The following GNGT1 variants were observed in gnomAD, a reference collection of about 807,000 sequenced individuals.
The protein encoded by GNGT1 is G protein subunit gamma transducin 1, also known as guanine nucleotide-binding protein G(T) subunit gamma-T1.
A neutral mutation model predicts 7.4 loss-of-function variants in GNGT1; 4 were observed. The ratio of observed to expected loss-of-function variants is 0.54; its 90% CI spans 0.27 to 1.24. The LOEUF is 1.24. Ranked by LOEUF, GNGT1 falls within the 50% of genes most tolerant of loss-of-function variation. The probability of loss-of-function intolerance (pLI) is 0.12; values close to 1 mark genes in which losing one functional copy is unlikely to be tolerated. For synonymous variants in GNGT1, 37 were observed against 30.2 expected (o/e 1.23, Z -0.74); for missense variants, 95 against 82.4 (o/e 1.15, Z -0.59).
At chr7:93,908,982 C>T (rs932438919) in intron 2 of GNGT1, among the ~76,000 whole-genome samples, 1 of 152,128 alleles carries the variant, frequency 6.6e-6, no homozygotes, top group South Asian at 2.1e-4. Context: ...AGATAATATA[C>T]ACAAAGCTCT....
At chr7:93,910,678 G>C in intron 2 of GNGT1, 112 bp from the exon 3 acceptor site, 1 of 708,472 alleles carries the variant, frequency 1.4e-6, no homozygotes, top group Non-Finnish European at 2.3e-6. Flanking sequence ...AAAGTAGAGA[G>C]AATCAAACTG....
At chr7:93,906,880 A>G (rs1794382177) in intron 2 of GNGT1, 38 bp downstream of exon 2, 1 of 1,201,950 alleles carries the variant, frequency 8.3e-7, no homozygotes, top group Non-Finnish European at 1.2e-6. Flanking sequence ...ATTTTAAGCT[A>G]GAGATACTGT....
At chr7:93,908,351 T>C (rs1794409071) in intron 2 of GNGT1, among the ~76,000 whole-genome samples, 1 of 151,956 alleles carries the variant, frequency 6.6e-6, no homozygotes, top group African/African-American at 2.4e-5. Context: ...CCAACAGAAA[T>C]GTATTTCTCA....
At chr7:93,908,867 CT>C (rs1360649091) in intron 2 of GNGT1, among the ~76,000 whole-genome samples, 1 of 152,004 alleles carries the variant, frequency 6.6e-6, no homozygotes, top group Non-Finnish European at 1.5e-5. Context: ...AAATTTTTGC[CT>C]GTGCAACCCT....
chr7:93,906,576 A>G lies in GNGT1; in HGVS notation c.-80A>G. The G allele has an allele frequency of 3.5e-6, 2 of 579,420 alleles. No individual in the cohort carries two copies. The highest frequency in any genetic ancestry group is 6.1e-6 in the Non-Finnish European group (2 of 329,340). The allele number at this position is 579,420 out of a possible 1,614,324, so 35.9% of individuals were successfully genotyped here. A position where few individuals can be genotyped will look rare whatever the true frequency, so the allele number is the denominator to read the frequency against. ...GCTAGTGTGCATTGCTAGAATTGTT[A>G]AGAGAGAGAGCTCATATGAAATTGG... is the stretch of plus-strand genomic sequence containing the variant. On this transcript the variant is annotated 5_prime_UTR_variant, in exon 1 of 3. Coordinates refer to ENST00000248572, the MANE Select transcript of GNGT1 (RefSeq NM_021955.5).
intron 2 of GNGT1, chr7:93,909,403 C>A: frequency 1.5e-6 from 1 of 667,626 alleles, no homozygotes; most frequent in Non-Finnish European, 2.7e-6. Flanking sequence ...TTATATTAAG[C>A]ATCACTGAAA....
chr7:93,909,581 T>A, intron 2 of GNGT1: 2 of 681,494 alleles, frequency 2.9e-6, no homozygotes, highest in Non-Finnish European at 5.4e-6. Flanking sequence ...AAGCCAAAAG[T>A]AGTGACTTTT....
chr7:93,907,177 A>G (rs1370998816), intron 2 of GNGT1, among the ~76,000 whole-genome samples: 2 of 152,022 alleles, frequency 1.3e-5, no homozygotes, highest in Non-Finnish European at 2.9e-5. Context: ...AGGGAAAAAG[A>G]AGGAAAGAAA....
Position 93,911,048 on chromosome 7 carries a change from A to G in GNGT1, c.*130A>G, listed in dbSNP as rs1192132249. ...TGAATTTTTAAATTTATAGATGTAA[A>G]CTTTTAATAAAAATTGGGGTGTGGT... On this transcript the variant is annotated 3_prime_UTR_variant, in exon 3 of 3. Coordinates refer to ENST00000248572, the MANE Select transcript of GNGT1 (RefSeq NM_021955.5). 27 of 532,748 alleles carry G rather than the reference A, an allele frequency of 5.1e-5. No homozygotes were observed. The highest frequency in any genetic ancestry group is 6.0e-6 in the Non-Finnish European group (2 of 331,712). 33.0% of individuals were successfully genotyped at this position (532,748 alleles called of 1,614,324 possible). A position where few individuals can be genotyped will look rare whatever the true frequency, so the allele number is the denominator to read the frequency against.
At chr7:93,910,355 T>C (rs1794442471) in intron 2 of GNGT1, 1 of 152,850 alleles carries the variant, frequency 6.5e-6, no homozygotes, top group South Asian at 2.1e-4. Context: ...TACATGTGTA[T>C]ACTTCTGAGA....
At chr7:93,906,693 C>T in intron 1 of GNGT1, 43 bp from the exon 2 acceptor site, 1 of 975,556 alleles carries the variant, frequency 1.0e-6, no homozygotes, top group Admixed American at 1.9e-5. Context: ...CTTGAAATAA[C>T]TCCAGCAATT....
intron 2 of GNGT1, among the ~76,000 whole-genome samples, chr7:93,909,043 A>G (rs1794419857): frequency 1.3e-5 from 2 of 152,186 alleles, no homozygotes; most frequent in South Asian, 4.1e-4. Context: ...TATTATTATT[A>G]TCTTAAAATT....
intron 2 of GNGT1, among the ~76,000 whole-genome samples, chr7:93,908,066 C>T (rs765377848): frequency 3.9e-5 from 6 of 152,084 alleles, no homozygotes; most frequent in Non-Finnish European, 5.9e-5. Flanking sequence ...TGATTGTCTT[C>T]GTGTTTATTA....
chr7:93,911,012 A>C lies in GNGT1; in HGVS notation c.*94A>C. On this transcript the variant is annotated 3_prime_UTR_variant, in exon 3 of 3. Coordinates refer to ENST00000248572, the MANE Select transcript of GNGT1 (RefSeq NM_021955.5). ...TTTTCTCATGCATACTATTACTACTAAGCATGTACGTGAATTTTTAAATTT... is the reference window on the plus strand; with the variant it reads ...TTTTCTCATGCATACTATTACTACTCAGCATGTACGTGAATTTTTAAATTT... The C allele has an allele frequency of 1.3e-6, 1 of 788,436 alleles. No individual in the cohort carries two copies. The highest frequency in any genetic ancestry group is 1.9e-6 in the Non-Finnish European group (1 of 537,650). The allele number at this position is 788,436 out of a possible 1,614,324, so 48.8% of individuals were successfully genotyped here.
chr7:93,910,913 T>A lies in GNGT1; in HGVS notation c.220T>A (p.Ser74Thr). Residue 74 changes from serine (S) to threonine (T), a missense_variant, in exon 3 of 3, where the codon TCA becomes ACA. Coordinates refer to ENST00000248572, the MANE Select transcript of GNGT1 (RefSeq NM_021955.5). Reference protein sequence around the residue: ...FKELKGGCVIS With the variant: ...FKELKGGCVIT ...GGAGCTCAAAGGAGGCTGTGTGATT[T>A]CATAATACAAACAAAAAGAAAAAAA... 1 of 1,563,478 alleles carries A rather than the reference T, an allele frequency of 6.4e-7. No homozygotes were observed. The highest frequency in any genetic ancestry group is 8.6e-7 in the Non-Finnish European group (1 of 1,156,758).
chr7:93,906,952 C>A, intron 2 of GNGT1, 110 bp downstream of exon 2: 1 of 570,734 alleles, frequency 1.8e-6, no homozygotes, highest in South Asian at 2.7e-5. Flanking sequence ...ATAAATTGTT[C>A]ATCTAAAAAT....
intron 2 of GNGT1, chr7:93,909,802 A>G (rs912417241): frequency 7.8e-6 from 2 of 257,558 alleles, no homozygotes; most frequent in Admixed American, 1.1e-4. Context: ...CTTATATCAA[A>G]TGTTCCTTGG....
chr7:93,909,768 C>A, intron 2 of GNGT1: 7 of 354,318 alleles, frequency 2.0e-5, no homozygotes, highest in East Asian at 8.6e-5. Flanking sequence ...AATGAGTCTG[C>A]CTAGTTATAA....
At position 93,910,781 on chromosome 7, in the gene GNGT1, C is replaced by A. The variant is rs770152070; in HGVS notation, c.97-9C>A. ...CCAAATGAGTCATCCCTTTTTCCTT[C>A]CCCTTAAGGTTTCCAAATGTTGTGA... is the stretch of plus-strand genomic sequence containing the variant. On this transcript the variant is annotated splice_polypyrimidine_tract_variant and intron_variant, in intron 2 of 2. Transcript: ENST00000248572. 1 of 1,572,750 alleles carries A rather than the reference C, an allele frequency of 6.4e-7. No individual in the cohort carries two copies. Among genetic ancestry groups the A allele is most frequent in the Admixed American group, 1.8e-5 (1 of 54,720 alleles).
Sources: gnomAD v4.1 joint callset for allele counts (sites outside exome capture counted in the v4.1 genomes callset) on GRCh38, gnomAD v4.1.1 for gene constraint, MANE v1.5 for transcripts, NCBI Gene and HGNC (gene_info 2026-07-23, HGNC 2026-07-21) for gene names.